MGAT4C: variants seen among roughly 807,000 people sequenced by gnomAD.
MGAT4C encodes the protein alpha-1,3-mannosyl-glycoprotein 4-beta-N-acetylglucosaminyltransferase C.
In MGAT4C, 19 loss-of-function variants were observed where a neutral mutation model predicts 40.1. That is an observed-to-expected ratio of 0.47 (90% confidence interval 0.33 to 0.70). The LOEUF (loss-of-function observed/expected upper bound fraction) is 0.70, where lower values mean the gene tolerates loss of function less well. MGAT4C is among the 30% of genes least tolerant of loss of function. The pLI, the probability that MGAT4C is intolerant of heterozygous loss-of-function variation, is 0.02. For missense variants in MGAT4C, 491 were observed against 563.2 expected (o/e 0.87, Z 1.30); for synonymous variants, 181 against 187.1 (o/e 0.97, Z 0.27).
intron 2 of MGAT4C, among the ~76,000 whole-genome samples, chr12:86,578,545 A>T (rs903064271): frequency 4.6e-5 from 7 of 151,674 alleles, no homozygotes; most frequent in South Asian, 2.1e-4. Context: ...TGACCTTGTT[A>T]CTTGTTATTG....
chr12:86,779,794 TC>T (rs745373865), intron 1 of MGAT4C, among the ~76,000 whole-genome samples: 85 of 152,012 alleles, frequency 5.6e-4, no homozygotes, highest in Admixed American at 9.2e-4. Context: ...GCGCCTGTAG[TC>T]CCAGCTACTC....
chr12:86,373,389 C>A (rs567171488), intron 3 of MGAT4C, among the ~76,000 whole-genome samples: 1 of 152,028 alleles, frequency 6.6e-6, no homozygotes, highest in African/African-American at 2.4e-5. Context: ...TTGCACAGTA[C>A]TGTAGACAAT....
At chr12:86,465,057 C>T (rs1957660195) in intron 2 of MGAT4C, among the ~76,000 whole-genome samples, 1 of 152,060 alleles carries the variant, frequency 6.6e-6, no homozygotes, top group South Asian at 2.1e-4. Context: ...AGTCAAGTAG[C>T]TAGTAAACAA....
At chr12:86,208,048 A>G (rs1950325849) in intron 1 of MGAT4C, among the ~76,000 whole-genome samples, 1 of 152,172 alleles carries the variant, frequency 6.6e-6, no homozygotes, top group South Asian at 2.1e-4. Context: ...AGCTTGACTA[A>G]ACTTTAGATA....
Position 86,485,369 on chromosome 12 carries a change from A to C in MGAT4C, c.-228-50104T>G, listed in dbSNP as rs140868429. On this transcript the variant is annotated intron_variant, in intron 2 of 7. Transcript: ENST00000548651. The stretch of plus-strand genomic sequence containing the variant: ...AAATGATCTAAGAGCTGAGGAAAAA[A>C]GAGCCATTCTAAGAAAGAAGCAAAC... Among the ~76,000 whole-genome samples, 925 of 152,348 alleles carry C rather than the reference A, an allele frequency of 6.1e-3. 7 individuals are homozygous for C. Among genetic ancestry groups the C allele is most frequent in the Non-Finnish European group, 8.5e-3 (576 of 68,028 alleles).
chr12:86,596,001 C>G (rs1961523671), intron 2 of MGAT4C, among the ~76,000 whole-genome samples: 1 of 152,068 alleles, frequency 6.6e-6, no homozygotes, highest in Non-Finnish European at 1.5e-5. Flanking sequence ...TTATCAGACG[C>G]TATTAACTAA....
At chr12:86,330,141 C>T (rs1307357860) in intron 4 of MGAT4C, among the ~76,000 whole-genome samples, 1 of 152,140 alleles carries the variant, frequency 6.6e-6, no homozygotes, top group Non-Finnish European at 1.5e-5. Context: ...CTCCTGTCCC[C>T]TCTTTTGAGG....
chr12:86,223,259 T>G (rs1950950683), intron 1 of MGAT4C, among the ~76,000 whole-genome samples: 1 of 152,112 alleles, frequency 6.6e-6, no homozygotes, highest in Non-Finnish European at 1.5e-5. Flanking sequence ...TACCTGCCGG[T>G]GCTGCTCCAG....
intron 2 of MGAT4C, among the ~76,000 whole-genome samples, chr12:86,629,642 C>T (rs921605882): frequency 1.3e-5 from 2 of 152,250 alleles, no homozygotes; most frequent in African/African-American, 4.8e-5. Flanking sequence ...ACAACCTGCT[C>T]CTGAAGGACT....
At chr12:86,192,713 A>G (rs1419758548) in intron 1 of MGAT4C, among the ~76,000 whole-genome samples, 1 of 152,178 alleles carries the variant, frequency 6.6e-6, no homozygotes, top group Non-Finnish European at 1.5e-5. Flanking sequence ...TGTTGTTGAT[A>G]TTGAGGTATC....
intron 2 of MGAT4C, among the ~76,000 whole-genome samples, chr12:86,047,672 A>T (rs1191414282): frequency 6.6e-6 from 1 of 152,176 alleles, no homozygotes; most frequent in Non-Finnish European, 1.5e-5. Context: ...AAAAGGGTCT[A>T]AAAAGAAATA....
At chr12:85,990,848 A>G (rs746181564) in intron 2 of MGAT4C, among the ~76,000 whole-genome samples, 6 of 152,246 alleles carry the variant, frequency 3.9e-5, no homozygotes, top group Non-Finnish European at 7.3e-5. Flanking sequence ...AGATGCACAT[A>G]AATGTATATC....
intron 1 of MGAT4C, among the ~76,000 whole-genome samples, chr12:86,134,676 T>C (rs1449207291): frequency 6.6e-6 from 1 of 152,018 alleles, no homozygotes. Flanking sequence ...AACTGCTGAG[T>C]GTTATAGATA....
intron 3 of MGAT4C, among the ~76,000 whole-genome samples, chr12:86,350,572 G>C (rs181840128): frequency 4.2e-4 from 64 of 152,170 alleles, no homozygotes; most frequent in African/African-American, 1.4e-3. Context: ...TTAAGATAAT[G>C]ATATCAAATG....
At chr12:86,151,529 C>T (rs1249467869) in intron 1 of MGAT4C, among the ~76,000 whole-genome samples, 2 of 151,808 alleles carry the variant, frequency 1.3e-5, no homozygotes, top group Admixed American at 6.6e-5. Context: ...AGGAGAACGG[C>T]GTGAACCCGG....
chr12:86,820,779 T>C (rs1288541805), intron 1 of MGAT4C, among the ~76,000 whole-genome samples: 2 of 150,972 alleles, frequency 1.3e-5, no homozygotes, highest in East Asian at 1.9e-4. Context: ...AAGGATATAT[T>C]TGAGGAAATA....
chr12:86,234,121 A>G (rs1951437123), intron 1 of MGAT4C, among the ~76,000 whole-genome samples: 1 of 152,166 alleles, frequency 6.6e-6, no homozygotes, highest in African/African-American at 2.4e-5. Flanking sequence ...TATTTAGTAC[A>G]CACAGTTCAG....
intron 4 of MGAT4C, among the ~76,000 whole-genome samples, chr12:86,263,944 A>T (rs140505745): frequency 6.6e-6 from 1 of 151,794 alleles, no homozygotes. Context: ...TTTTTCATAT[A>T]CCTATTGGTC....
At chr12:86,330,566 C>A (rs2136172588) in intron 4 of MGAT4C, among the ~76,000 whole-genome samples, 1 of 152,200 alleles carries the variant, frequency 6.6e-6, no homozygotes, top group African/African-American at 2.4e-5. Flanking sequence ...TTACTGAATT[C>A]TCTATTTATT....
Sources: allele counts gnomAD v4.1 joint callset (sites outside exome capture counted in the v4.1 genomes callset), GRCh38; gene constraint gnomAD v4.1.1; transcripts MANE v1.5; gene names NCBI Gene and HGNC (gene_info 2026-07-23, HGNC 2026-07-21).